Variants in NDUFA5 observed in about 807,000 individuals in gnomAD.
NDUFA5 encodes NADH dehydrogenase [ubiquinone] 1 alpha subcomplex subunit 5.
NDUFA5 carries 11 observed loss-of-function variants against 19.8 expected under a neutral mutation model. The ratio of observed to expected loss-of-function variants is 0.56; its 90% confidence interval spans 0.35 to 0.92. NDUFA5 has a LOEUF of 0.92. Ranked by LOEUF, NDUFA5 falls within the 40% of genes least tolerant of loss-of-function variation. The probability of loss-of-function intolerance (pLI) is 0.01; values close to 1 mark genes in which losing one functional copy is unlikely to be tolerated. For synonymous variants in NDUFA5, 47 were observed against 46.8 expected (o/e 1.00, Z -0.01); for missense variants, 109 against 134.2 (o/e 0.81, Z 0.93).
chr7:123,576,497 T>C, the NDUFA5 span, among the ~76,000 whole-genome samples: 1 of 152,180 alleles, frequency 6.6e-6, no homozygotes, highest in African/African-American at 2.4e-5. Context: ...AGGAATTTCA[T>C]GTTTATTTCT....
chr7:123,548,061 C>T (rs1798201046), intron 3 of NDUFA5, among the ~76,000 whole-genome samples: 1 of 151,950 alleles, frequency 6.6e-6, no homozygotes, highest in South Asian at 2.1e-4. Context: ...ACAAACAACG[C>T]TTTTCACCAA....
chr7:123,552,743 C>G (rs1329581018), intron 2 of NDUFA5, among the ~76,000 whole-genome samples: 1 of 151,510 alleles, frequency 6.6e-6, no homozygotes, highest in Admixed American at 6.6e-5. Flanking sequence ...CTTCATGGTC[C>G]AGGACACACA....
rs1463884860 is a variant in NDUFA5, at chr7:123,537,708, CTT to C, written c.*4409_*4410del. ...TGTTGCCAAATGAGTTATGAAAAAA[CTT>C]TGTTTTCAGAGATTTTTGAAATTAG... On this transcript the variant is annotated 3_prime_UTR_variant, in exon 5 of 5. Coordinates refer to ENST00000355749, the MANE Select transcript of NDUFA5 (RefSeq NM_005000.5). 6.6e-6 allele frequency: 1 copy of C among 151,926 alleles called. No homozygotes were observed. Among genetic ancestry groups the C allele is most frequent in the South Asian group, 2.1e-4 (1 of 4,824 alleles). 9.4% of individuals were successfully genotyped at this position (151,926 alleles called of 1,614,324 possible).
the NDUFA5 span, among the ~76,000 whole-genome samples, chr7:123,580,335 T>C: frequency 6.6e-6 from 1 of 152,020 alleles, no homozygotes; most frequent in Non-Finnish European, 1.5e-5. Flanking sequence ...GCTTGTTAAG[T>C]TTTTGGTTTG....
At chr7:123,568,251 G>A in the NDUFA5 span, among the ~76,000 whole-genome samples, 1 of 152,130 alleles carries the variant, frequency 6.6e-6, no homozygotes, top group Non-Finnish European at 1.5e-5. Context: ...GGTGGCTCAC[G>A]CCTGTAATCC....
the NDUFA5 span, among the ~76,000 whole-genome samples, chr7:123,563,976 A>G: frequency 2.0e-5 from 3 of 152,212 alleles, no homozygotes; most frequent in African/African-American, 7.2e-5. Context: ...ATCTATCAAA[A>G]AAAAGGTTGG....
the NDUFA5 span, among the ~76,000 whole-genome samples, chr7:123,589,582 G>T: frequency 6.6e-6 from 1 of 152,024 alleles, no homozygotes; most frequent in East Asian, 1.9e-4. Flanking sequence ...TTGGTTTTAT[G>T]TCCTTGTGAT....
chr7:123,564,754 T>C, the NDUFA5 span, among the ~76,000 whole-genome samples: 1 of 152,162 alleles, frequency 6.6e-6, no homozygotes, highest in Admixed American at 6.5e-5. Flanking sequence ...ACATCTGGAC[T>C]TAACGATTGT....
intron 4 of NDUFA5, among the ~76,000 whole-genome samples, chr7:123,544,785 AAAAAG>A (rs1434791717): frequency 6.7e-6 from 1 of 150,016 alleles, no homozygotes; most frequent in African/African-American, 2.4e-5. Context: ...AAAAAAAAAA[AAAAAG>A]AGTTATCATT....
chr7:123,561,922 A>G (rs1403204046), upstream of NDUFA5, among the ~76,000 whole-genome samples: 1 of 150,934 alleles, frequency 6.6e-6, no homozygotes, highest in African/African-American at 2.4e-5. Context: ...TTTTAATAGC[A>G]TCTAGTGTGG....
intron 1 of NDUFA5, 37 bp downstream of exon 1, chr7:123,557,738 C>G: frequency 2.5e-6 from 4 of 1,614,090 alleles, no homozygotes; most frequent in Non-Finnish European, 3.4e-6. Flanking sequence ...TCTACCCCCA[C>G]AGTCTAAATT....
chr7:123,568,916 C>G, the NDUFA5 span, among the ~76,000 whole-genome samples: 1 of 152,138 alleles, frequency 6.6e-6, no homozygotes, highest in Non-Finnish European at 1.5e-5. Context: ...TCTAACTAAT[C>G]TCGTCCAACA....
intron 2 of NDUFA5, chr7:123,551,611 T>C (rs1798343613): frequency 1.6e-5 from 9 of 563,908 alleles, no homozygotes; most frequent in Non-Finnish European, 2.0e-5. Flanking sequence ...ATTACATCTG[T>C]ATGATCAAAT....
intron 4 of NDUFA5, among the ~76,000 whole-genome samples, chr7:123,543,492 G>A (rs898946696): frequency 2.6e-5 from 4 of 151,964 alleles, no homozygotes; most frequent in Non-Finnish European, 5.9e-5. Flanking sequence ...CAGATGTGCT[G>A]CAAAGTGTAA....
At chr7:123,570,736 C>T in the NDUFA5 span, among the ~76,000 whole-genome samples, 3 of 152,170 alleles carry the variant, frequency 2.0e-5, no homozygotes, top group African/African-American at 7.2e-5. Flanking sequence ...TTCTCCCTTC[C>T]TGTTCCTAAC....
chr7:123,592,661 G>A, the NDUFA5 span, among the ~76,000 whole-genome samples: 5 of 152,056 alleles, frequency 3.3e-5, no homozygotes, highest in African/African-American at 7.2e-5. Context: ...CGTTTGTTGC[G>A]ATTTCTGTTC....
chr7:123,591,699 G>A, the NDUFA5 span, among the ~76,000 whole-genome samples: 5 of 152,222 alleles, frequency 3.3e-5, no homozygotes, highest in Admixed American at 3.3e-4. Flanking sequence ...GATTCGGTTT[G>A]CCAGTGTTTT....
chr7:123,597,917 CGTGTGTGT>C, the NDUFA5 span, among the ~76,000 whole-genome samples: 531 of 133,062 alleles, frequency 4.0e-3, no homozygotes, highest in Non-Finnish European at 5.0e-3. Flanking sequence ...TTTCAAACTT[CGTGTGTGT>C]GTGTGTGTGT....
the NDUFA5 span, among the ~76,000 whole-genome samples, chr7:123,587,666 G>C: frequency 6.6e-6 from 1 of 151,566 alleles, no homozygotes; most frequent in African/African-American, 2.4e-5. Context: ...TATGTTCACT[G>C]TAAGCTTGCC....
Sources: gnomAD v4.1 joint callset for allele counts (sites outside exome capture counted in the v4.1 genomes callset) on GRCh38, gnomAD v4.1.1 for gene constraint, MANE v1.5 for transcripts, NCBI Gene and HGNC (gene_info 2026-07-23, HGNC 2026-07-21) for gene names.